The following VIRMA variants were observed in gnomAD, a reference collection of about 807,000 sequenced individuals.
VIRMA encodes protein virilizer homolog.
VIRMA carries 65 observed loss-of-function variants against 182.4 expected under a neutral mutation model. That is an observed-to-expected ratio of 0.36 (90% confidence interval 0.29 to 0.44). VIRMA has a LOEUF of 0.44. VIRMA is among the 20% of genes least tolerant of loss of function. The pLI, the probability that VIRMA is intolerant of heterozygous loss-of-function variation, is 1.00. For missense variants in VIRMA, 1,752 were observed against 2,158.1 expected (o/e 0.81, Z 3.73); for synonymous variants, 709 against 743.1 (o/e 0.95, Z 0.75).
At chr8:94,547,197 T>C (rs574733478) in intron 1 of VIRMA, 1 of 252,132 alleles carries the variant, frequency 4.0e-6, no homozygotes, top group African/African-American at 2.4e-5. Flanking sequence ...TCATAGTGCC[T>C]AGCATATTCA....
intron 8 of VIRMA, among the ~76,000 whole-genome samples, chr8:94,522,253 G>C (rs1172811911): frequency 6.6e-6 from 1 of 152,114 alleles, no homozygotes; most frequent in Non-Finnish European, 1.5e-5. Flanking sequence ...TTTCTAAAGA[G>C]CTTCCTCAAC....
intron 1 of VIRMA, among the ~76,000 whole-genome samples, chr8:94,551,530 T>C (rs1392012033): frequency 6.6e-6 from 1 of 152,226 alleles, no homozygotes; most frequent in Admixed American, 6.5e-5. Flanking sequence ...TTGATTTAAA[T>C]GTGATCTCTG....
intron 7 of VIRMA, among the ~76,000 whole-genome samples, chr8:94,528,337 G>A (rs1009426224): frequency 4.5e-5 from 5 of 110,840 alleles, no homozygotes; most frequent in African/African-American, 6.4e-5. Flanking sequence ...GATAATCTGT[G>A]AATGGGGAAA....
Position 94,530,985 on chromosome 8 carries a change from T to A in VIRMA, c.585A>T (p.Glu195Asp). 2 of 1,604,278 alleles carry A rather than the reference T, an allele frequency of 1.2e-6. No individual in the cohort carries two copies. The highest frequency in any genetic ancestry group is 1.7e-4 in the Middle Eastern group (1 of 6,030). ...TACCTGGCAGAGGCACAGGATCATCTTCATCATCATCAGGTGGAGGGGGTC... is the reference window on the plus strand; with the variant it reads ...TACCTGGCAGAGGCACAGGATCATCATCATCATCATCAGGTGGAGGGGGTC... ...PPGPPPPDDD[E>D]DDPVPLPVSG... is the part of the protein sequence containing the mutation. Residue 195 changes from glutamate (E) to aspartate (D), a missense_variant, in exon 6 of 24, where the codon GAA becomes GAT. Glu to Asp is a conservative substitution (Grantham distance 45). Around this residue, in one of 11 missense-constraint regions of VIRMA, gnomAD observed 114 missense variants for 106.9 expected, o/e 1.07. Transcript: ENST00000297591.
At chr8:94,543,709 T>G in intron 2 of VIRMA, 118 bp downstream of exon 2, 1 of 633,596 alleles carries the variant, frequency 1.6e-6, no homozygotes, top group Non-Finnish European at 2.8e-6. Flanking sequence ...ATAACCATAA[T>G]TGAATAGCTT....
At chr8:94,501,234 G>A (rs1481372168) in intron 16 of VIRMA, among the ~76,000 whole-genome samples, 2 of 145,184 alleles carry the variant, frequency 1.4e-5, no homozygotes, top group Non-Finnish European at 3.0e-5. Flanking sequence ...CCAGCCCAGG[G>A]GACAGTGCGA....
intron 1 of VIRMA, among the ~76,000 whole-genome samples, chr8:94,550,846 G>A (rs1180236669): frequency 1.3e-5 from 2 of 152,222 alleles, no homozygotes; most frequent in African/African-American, 4.8e-5. Flanking sequence ...AGCCTTCCGA[G>A]TAGCTGGGAC....
Position 94,543,611 on chromosome 8 carries a change from T to A in VIRMA, c.179+216A>T, listed in dbSNP as rs180954462. ...AAAAAATGAATAAAGAAAAATCTTA[T>A]CTAGTACACAGGTCAAATAATTACT... On this transcript the variant is annotated intron_variant, in intron 2 of 23. Transcript: ENST00000297591. Among the ~76,000 whole-genome samples, 152 of 151,968 alleles carry A rather than the reference T, an allele frequency of 1.0e-3. 1 individual carries two copies. Among genetic ancestry groups the A allele is most frequent in the Non-Finnish European group, 1.7e-3 (115 of 67,962 alleles).
chr8:94,490,593 C>T (rs1305568685), intron 22 of VIRMA, among the ~76,000 whole-genome samples: 2 of 152,164 alleles, frequency 1.3e-5, no homozygotes, highest in African/African-American at 2.4e-5. Context: ...CGCCTGTAAT[C>T]CCTGCACTTT....
At chr8:94,512,580 C>A (rs1814416765) in intron 11 of VIRMA, 1 of 152,256 alleles carries the variant, frequency 6.6e-6, no homozygotes, top group African/African-American at 2.4e-5. Context: ...AGTTAGAGAC[C>A]AACCTGGGCA....
chr8:94,511,638 C>T lies in VIRMA; in HGVS notation c.2937G>A (p.Leu979=). The T allele has an allele frequency of 2.5e-6, 4 of 1,614,030 alleles. No individual in the cohort carries two copies. The highest frequency in any genetic ancestry group is 3.4e-6 in the Non-Finnish European group (4 of 1,179,988). ...MDTFIRVLQK[L]NSILTQPWRL... is the part of the protein sequence containing the mutation. ...TCCAAGGCTGAGTCAGAATACTGTTCAATTTTTGCAGAACTCGAATAAACG... is the reference window on the plus strand; with the variant it reads ...TCCAAGGCTGAGTCAGAATACTGTTTAATTTTTGCAGAACTCGAATAAACG... The change falls in exon 13 of 24, where the codon TTG becomes TTA. Residue 979 remains leucine (L), a synonymous_variant. Coordinates refer to ENST00000297591, the MANE Select transcript of VIRMA (RefSeq NM_015496.5).
intron 7 of VIRMA, 60 bp from the exon 8 acceptor site, chr8:94,527,423 C>T (rs1157673694): frequency 1.9e-6 from 2 of 1,028,704 alleles, no homozygotes; most frequent in Non-Finnish European, 2.7e-6. Flanking sequence ...TACATAAATT[C>T]TGATTGAACA....
chr8:94,511,768 TTA>T (rs1491464258), intron 12 of VIRMA, 39 bp from the exon 13 acceptor site: 8 of 1,397,138 alleles, frequency 5.7e-6, no homozygotes, highest in Non-Finnish European at 7.9e-6. Context: ...AACTAATTAC[TTA>T]TATGTTAATA....
intron 6 of VIRMA, among the ~76,000 whole-genome samples, chr8:94,529,622 ATTTT>A: frequency 6.9e-6 from 1 of 145,782 alleles, no homozygotes. Context: ...TTTTTATTTT[ATTTT>A]ATTTATTATT....
intron 10 of VIRMA, among the ~76,000 whole-genome samples, chr8:94,517,078 T>A (rs1015102311): frequency 2.6e-5 from 4 of 152,152 alleles, no homozygotes; most frequent in African/African-American, 9.6e-5. Context: ...TATTTACTAT[T>A]ATTTACTTTT....
chr8:94,502,774 A>C (rs1211376298), intron 16 of VIRMA, among the ~76,000 whole-genome samples: 1 of 152,108 alleles, frequency 6.6e-6, no homozygotes, highest in Non-Finnish European at 1.5e-5. Context: ...GTACTTAAAA[A>C]ATTTTTTTTT....
intron 22 of VIRMA, 84 bp from the exon 23 acceptor site, chr8:94,490,166 A>G: frequency 7.2e-7 from 1 of 1,394,706 alleles, no homozygotes. Flanking sequence ...CTTAATCTTC[A>G]AAAGAATGGA....
At chr8:94,502,963 T>C (rs1010014675) in intron 16 of VIRMA, among the ~76,000 whole-genome samples, 1 of 152,136 alleles carries the variant, frequency 6.6e-6, no homozygotes, top group Non-Finnish European at 1.5e-5. Context: ...TAAGTAAGGA[T>C]AGTATTGAAT....
intron 2 of VIRMA, among the ~76,000 whole-genome samples, chr8:94,539,961 T>C (rs950970819): frequency 2.0e-5 from 3 of 152,214 alleles, no homozygotes; most frequent in Non-Finnish European, 2.9e-5. Flanking sequence ...TCTTGCCAGA[T>C]TGCTGTCACC....
Sources: gnomAD v4.1 joint callset for allele counts (sites outside exome capture counted in the v4.1 genomes callset) on GRCh38, gnomAD v4.1.1 for gene constraint, gnomAD v4.1.1 regional missense constraint, MANE v1.5 for transcripts, NCBI Gene and HGNC (gene_info 2026-07-23, HGNC 2026-07-21) for gene names.